Variants in CHCHD3 observed in about 807,000 individuals in gnomAD.
CHCHD3 encodes the protein MICOS complex subunit MIC19.
CHCHD3 carries 20 observed loss-of-function variants against 38.2 expected under a neutral mutation model. That is an observed-to-expected ratio of 0.52 (90% CI 0.37 to 0.76). The LOEUF (loss-of-function observed/expected upper bound fraction) is 0.76, where lower values mean the gene tolerates loss of function less well. Among genes scored for constraint, CHCHD3 ranks in the 30% least tolerant of loss-of-function variants. The pLI is 0.00. For missense variants in CHCHD3, 245 were observed against 279.2 expected, an observed-to-expected ratio of 0.88 and a Z score of 0.87; for synonymous variants, 82 against 100.0, an observed-to-expected ratio of 0.82 and a Z score of 1.07.
chr7:132,936,050 C>T (rs917983607), intron 4 of CHCHD3, among the ~76,000 whole-genome samples: 1 of 152,304 alleles, frequency 6.6e-6, no homozygotes, highest in East Asian at 1.9e-4. Context: ...GAGGCCCACT[C>T]TCACAATGGC....
At chr7:133,000,418 T>C (rs1398706918) in intron 3 of CHCHD3, among the ~76,000 whole-genome samples, 1 of 152,118 alleles carries the variant, frequency 6.6e-6, no homozygotes. Context: ...GAAATCTCTA[T>C]TAAATTAAGG....
At chr7:132,937,446 T>A (rs535693573) in intron 4 of CHCHD3, among the ~76,000 whole-genome samples, 1 of 152,310 alleles carries the variant, frequency 6.6e-6, no homozygotes, top group East Asian at 1.9e-4. Context: ...TATAAGCAAT[T>A]TAGTCTATGA....
chr7:132,801,216 T>C (rs1313482991), intron 6 of CHCHD3, among the ~76,000 whole-genome samples: 8 of 152,344 alleles, frequency 5.3e-5, no homozygotes, highest in Admixed American at 1.3e-4. Flanking sequence ...AAATGTACTA[T>C]ATTAACTTTT....
chr7:132,955,525 GT>G (rs962805691), intron 4 of CHCHD3, among the ~76,000 whole-genome samples: 7 of 143,196 alleles, frequency 4.9e-5, no homozygotes, highest in African/African-American at 1.8e-4. Flanking sequence ...TTGTTTGTTT[GT>G]TTTTTGGGGT....
At chr7:132,984,405 G>A (rs1187839438) in intron 3 of CHCHD3, among the ~76,000 whole-genome samples, 33 of 151,206 alleles carry the variant, frequency 2.2e-4, no homozygotes, top group African/African-American at 7.8e-4. Flanking sequence ...CGTGATCTCG[G>A]CTCGCTACAA....
At chr7:132,914,080 C>T (rs571492107) in intron 4 of CHCHD3, among the ~76,000 whole-genome samples, 9 of 151,576 alleles carry the variant, frequency 5.9e-5, no homozygotes, top group African/African-American at 2.2e-4. Context: ...CTGTCTCAGC[C>T]TCCCGAGTAG....
intron 7 of CHCHD3, among the ~76,000 whole-genome samples, chr7:132,795,448 C>T (rs1406569431): frequency 3.3e-5 from 5 of 152,164 alleles, no homozygotes; most frequent in African/African-American, 1.2e-4. Context: ...AGCCACTAGG[C>T]TTTTGAGGAC....
At chr7:132,965,894 A>G (rs1178958664) in intron 4 of CHCHD3, among the ~76,000 whole-genome samples, 1 of 152,206 alleles carries the variant, frequency 6.6e-6, no homozygotes, top group Admixed American at 6.5e-5. Context: ...AGATGGAAGA[A>G]GGGGGAAAAG....
chr7:132,886,631 T>A (rs932197264), intron 4 of CHCHD3, among the ~76,000 whole-genome samples: 1 of 151,442 alleles, frequency 6.6e-6, no homozygotes, highest in South Asian at 2.1e-4. Context: ...AGTGTGTGTG[T>A]GTATATATAT....
chr7:132,976,149 C>A (rs1811762632), intron 3 of CHCHD3, among the ~76,000 whole-genome samples: 1 of 152,082 alleles, frequency 6.6e-6, no homozygotes, highest in African/African-American at 2.4e-5. Flanking sequence ...TCTTTCCTCC[C>A]AGTATATTAC....
rs1806277942 is a variant in CHCHD3 at position 132,785,024 on chromosome 7, TTC to T, written c.*611_*612del. 1 of 152,658 alleles carries T rather than the reference TTC, an allele frequency of 6.6e-6. No homozygotes were observed. Among genetic ancestry groups the T allele is most frequent in the South Asian group, 2.1e-4 (1 of 4,828 alleles). 9.5% of individuals were successfully genotyped at this position (152,658 alleles called of 1,614,324 possible). Reference sequence around the variant, plus strand: ...ATTATTCCAGTAGAAGAGGTACATTTTCTCTCCTTTTTGTCTTCTTGCCTGTA... The same window carrying T: ...ATTATTCCAGTAGAAGAGGTACATTTTCTCCTTTTTGTCTTCTTGCCTGTA... On this transcript the variant is annotated 3_prime_UTR_variant, in exon 8 of 8. Transcript: ENST00000262570.
intron 4 of CHCHD3, among the ~76,000 whole-genome samples, chr7:132,916,607 G>T (rs1810112613): frequency 6.6e-6 from 1 of 152,034 alleles, no homozygotes. Flanking sequence ...AAAAGAAAAG[G>T]CCTCACTCTG....
At chr7:132,839,924 A>T (rs1298190505) in intron 5 of CHCHD3, among the ~76,000 whole-genome samples, 3 of 152,266 alleles carry the variant, frequency 2.0e-5, no homozygotes, top group Non-Finnish European at 4.4e-5. Flanking sequence ...ATCAATAAAG[A>T]TGAACAGAAC....
At chr7:132,916,121 A>G (rs967007892) in intron 4 of CHCHD3, among the ~76,000 whole-genome samples, 2 of 152,082 alleles carry the variant, frequency 1.3e-5, no homozygotes, top group Non-Finnish European at 2.9e-5. Flanking sequence ...TTATTTCCCA[A>G]TGATCTGGTT....
intron 6 of CHCHD3, among the ~76,000 whole-genome samples, chr7:132,826,039 C>T (rs763624997): frequency 6.6e-5 from 10 of 152,204 alleles, no homozygotes; most frequent in Non-Finnish European, 1.0e-4. Flanking sequence ...CTACCTTCGA[C>T]ATTCCAATCA....
At chr7:133,052,502 A>C (rs1051538320) in intron 2 of CHCHD3, among the ~76,000 whole-genome samples, 1 of 152,254 alleles carries the variant, frequency 6.6e-6, no homozygotes, top group African/African-American at 2.4e-5. Context: ...CAGCCATGCC[A>C]GCCCTGGGCA....
At chr7:132,900,421 T>G (rs559968686) in intron 4 of CHCHD3, among the ~76,000 whole-genome samples, 2 of 152,322 alleles carry the variant, frequency 1.3e-5, no homozygotes, top group South Asian at 4.1e-4. Context: ...AGCTCTCCTC[T>G]TGATCTGTCT....
At chr7:132,832,924 G>A (rs890203370) in intron 6 of CHCHD3, among the ~76,000 whole-genome samples, 3 of 152,110 alleles carry the variant, frequency 2.0e-5, no homozygotes, top group Non-Finnish European at 4.4e-5. Flanking sequence ...AGCTCCATAA[G>A]GGTAAGAACT....
intron 7 of CHCHD3, among the ~76,000 whole-genome samples, chr7:132,794,620 G>T (rs1806557170): frequency 6.6e-6 from 1 of 152,042 alleles, no homozygotes; most frequent in South Asian, 2.1e-4. Flanking sequence ...TAAGAGCCAC[G>T]AAAACAATAG....
Sources: allele counts gnomAD v4.1 joint callset (sites outside exome capture counted in the v4.1 genomes callset), GRCh38; gene constraint gnomAD v4.1.1; transcripts MANE v1.5; gene names NCBI Gene and HGNC (gene_info 2026-07-23, HGNC 2026-07-21).